Variants in ZNF546 observed in about 807,000 individuals in gnomAD.
ZNF546 encodes the protein zinc finger protein 546.
A neutral mutation model predicts 76.2 loss-of-function variants in ZNF546; 60 were observed. The ratio of observed to expected loss-of-function variants is 0.79; its 90% CI spans 0.64 to 0.98. The LOEUF is 0.98. Ranked by LOEUF, ZNF546 falls within the 50% of genes least tolerant of loss-of-function variation. The probability of loss-of-function intolerance (pLI) is 0.00; values close to 1 mark genes in which losing one functional copy is unlikely to be tolerated. For synonymous variants in ZNF546, 277 were observed against 328.1 expected (o/e 0.84, Z 1.68); for missense variants, 936 against 1,035.6 (o/e 0.90, Z 1.32).
Position 40,014,028 on chromosome 19 carries a change from C to G in ZNF546, c.758C>G (p.Ala253Gly). Residue 253 changes from alanine to glycine, a missense_variant, in exon 7 of 7, where the codon GCC (alanine) becomes GGC (glycine). By Grantham distance (60) the Ala-to-Gly change is moderately conservative (BLOSUM62 0). Coordinates refer to ENST00000347077, the MANE Select transcript of ZNF546 (RefSeq NM_178544.5). ...TATAAATGTATGGAATGTGGAAAGG[C>G]CTTTTGTCGAGTGGGAGACCTTAGA... ...RPYKCMECGK[A>G]FCRVGDLRVH... is the part of the protein sequence containing the mutation. 1.2e-6 allele frequency: 2 copies of G among 1,611,790 alleles called. No individual in the cohort carries two copies. The highest frequency in any genetic ancestry group is 1.7e-6 in the Non-Finnish European group (2 of 1,178,460).
intron 6 of ZNF546, chr19:40,011,356 G>A (rs908431825): frequency 6.6e-6 from 1 of 151,998 alleles, no homozygotes; most frequent in Non-Finnish European, 1.5e-5. Flanking sequence ...CTCCCGAGTA[G>A]CTAGGACTAC....
Position 40,018,281 on chromosome 19 carries a change from T to A in ZNF546, c.*2500T>A, listed in dbSNP as rs1275958252. The A allele has an allele frequency of 6.6e-6, 1 of 152,246 alleles. No homozygotes were observed. Among genetic ancestry groups the A allele is most frequent in the Non-Finnish European group, 1.5e-5 (1 of 68,066 alleles). The allele number at this position is 152,246 out of a possible 1,614,324, so 9.4% of individuals were successfully genotyped here. ...CACCGCACCCGGCCTTCCCAAAGTATTTTTAAATGTGCTTTTTTATCCCCA... is the reference window on the plus strand; with the variant it reads ...CACCGCACCCGGCCTTCCCAAAGTAATTTTAAATGTGCTTTTTTATCCCCA... On this transcript the variant is annotated 3_prime_UTR_variant, in exon 7 of 7. Coordinates refer to ENST00000347077, the MANE Select transcript of ZNF546 (RefSeq NM_178544.5).
At chr19:40,008,978 C>T (rs1032431737) in intron 6 of ZNF546, among the ~76,000 whole-genome samples, 7 of 152,168 alleles carry the variant, frequency 4.6e-5, no homozygotes, top group African/African-American at 1.2e-4. Context: ...CTGATAGACA[C>T]TCTTGTCACA....
intron 3 of ZNF546, among the ~76,000 whole-genome samples, chr19:40,003,327 G>A (rs769154168): frequency 6.6e-6 from 1 of 152,132 alleles, no homozygotes; most frequent in African/African-American, 2.4e-5. Context: ...GTGAGCCACC[G>A]TGCCCAGCTT....
chr19:40,006,199 C>A lies in ZNF546; in HGVS notation c.171+17C>A. The stretch of plus-strand genomic sequence containing the variant: ...ATGGCCAATGTAAGTTTGTGTTTTT[C>A]TTCCTTGAAATACTGTGTTTTTAAA... On this transcript the variant is annotated intron_variant, in intron 4 of 6. Transcript: ENST00000347077. 6.2e-7 allele frequency: 1 copy of A among 1,604,592 alleles called. No homozygotes were observed. Among genetic ancestry groups the A allele is most frequent in the Non-Finnish European group, 8.5e-7 (1 of 1,173,144 alleles).
Position 39,998,461 on chromosome 19 carries a change from G to T in ZNF546, c.84+51G>T, listed in dbSNP as rs369385223. 903 of 1,456,184 alleles carry T rather than the reference G, an allele frequency of 6.2e-4. 8 individuals carry two copies. In the South Asian group the frequency reaches 8.4e-3, roughly 14 times the overall value. 90.2% of individuals were successfully genotyped at this position (1,456,184 alleles called of 1,614,324 possible). ...TAAAGTTAAAACTTTGTTTTATTGA[G>T]ATTAATGTTTAGGTAGAATCACATC... On this transcript the variant is annotated intron_variant, in intron 3 of 6. Transcript: ENST00000347077.
chr19:40,014,474 C>T lies in ZNF546; in HGVS notation c.1204C>T (p.Gln402Ter). Residue 402 changes from glutamine to a stop codon, truncating the protein, a stop_gained, in exon 7 of 7, where the codon CAA (glutamine) becomes TAA (stop). Transcript: ENST00000347077. LOFTEE classifies it high-confidence loss of function. ...CTTTAGTCATGGCTCATACCTTGTT[C>T]AACATCAGAAAATTCATACTGGTGA... ...KAFSHGSYLV[Q>*]HQKIHTGEKP... The T allele has an allele frequency of 6.2e-7, 1 of 1,611,756 alleles. No individual in the cohort carries two copies. The highest frequency in any genetic ancestry group is 1.1e-5 in the South Asian group (1 of 90,930).
Position 40,006,107 on chromosome 19 carries a change from C to A in ZNF546, c.96C>A (p.Leu32=). 6.2e-7 allele frequency: 1 copy of A among 1,614,012 alleles called. No homozygotes were observed. The highest frequency in any genetic ancestry group is 8.5e-7 in the Non-Finnish European group (1 of 1,179,966). Residue 32 remains leucine (L), a synonymous_variant, in exon 4 of 7, where the codon CTC becomes CTA. Transcript: ENST00000347077. ...LHSLSIMPRF[L]WILCFSMEET... is the part of the protein sequence containing the mutation. ...GTTCTTCCCCCCAGCCCCGGTTTCT[C>A]TGGATTCTGTGCTTCTCCATGGAGG...
chr19:39,997,972 C>G (rs1469561257), intron 2 of ZNF546, 57 bp downstream of exon 2: 1 of 211,682 alleles, frequency 4.7e-6, no homozygotes, highest in African/African-American at 2.3e-5. Flanking sequence ...CTAATCCTCA[C>G]ACAGCCTTGC....
intron 3 of ZNF546, among the ~76,000 whole-genome samples, chr19:40,002,861 A>T (rs981235033): frequency 6.6e-6 from 1 of 151,836 alleles, no homozygotes; most frequent in African/African-American, 2.4e-5. Flanking sequence ...CACCATGCCC[A>T]GCTAATTTTT....
chr19:40,000,130 A>G (rs1971509136), intron 3 of ZNF546, among the ~76,000 whole-genome samples: 1 of 152,160 alleles, frequency 6.6e-6, no homozygotes, highest in Admixed American at 6.5e-5. Flanking sequence ...AGAAATTTAC[A>G]CCTTTTAGGG....
In ZNF546 at chr19:40,014,261, T is replaced by C; in HGVS notation, c.991T>C (p.Cys331Arg). ...TIHAGERPYE[C>R]KECGKAFRLH... ...TCATGCTGGAGAGAGACCTTATGAA[T>C]GTAAAGAATGTGGGAAGGCCTTTAG... The change falls in exon 7 of 7, where the codon TGT becomes CGT. Residue 331 changes from cysteine (C) to arginine (R), a missense_variant. Physicochemically the swap from Cys to Arg is radical, Grantham distance 180. Transcript: ENST00000347077. 1 of 1,613,898 alleles carries C rather than the reference T, an allele frequency of 6.2e-7. No homozygotes were observed.
Position 39,997,122 on chromosome 19 carries a change from GTTA to G in ZNF546, c.-164_-162del, listed in dbSNP as rs1971463374. 1 of 152,340 alleles carries G rather than the reference GTTA, an allele frequency of 6.6e-6. No individual in the cohort carries two copies. Among genetic ancestry groups the G allele is most frequent in the Non-Finnish European group, 1.5e-5 (1 of 68,130 alleles). The allele number at this position is 152,340 out of a possible 1,614,324, so 9.4% of individuals were successfully genotyped here. On this transcript the variant is annotated 5_prime_UTR_variant, in exon 1 of 7. Transcript: ENST00000347077. ...TCTTAACGGTTCAGTCACCTTAACC[GTTA>G]TTATTCACTTGCGGGCGAGAAGTCC...
At chr19:40,007,699 A>G (rs1166168110) in intron 5 of ZNF546, among the ~76,000 whole-genome samples, 1 of 152,136 alleles carries the variant, frequency 6.6e-6, no homozygotes, top group African/African-American at 2.4e-5. Context: ...GAATTCCTAT[A>G]GCTGTTCTGT....
At chr19:40,005,457 C>T (rs554707477) in intron 3 of ZNF546, among the ~76,000 whole-genome samples, 2 of 152,276 alleles carry the variant, frequency 1.3e-5, no homozygotes, top group South Asian at 4.1e-4. Context: ...ACACAGTATT[C>T]ATTTCCCTGT....
intron 3 of ZNF546, among the ~76,000 whole-genome samples, chr19:40,005,311 C>T (rs1453202861): frequency 6.6e-6 from 1 of 150,574 alleles, no homozygotes; most frequent in Non-Finnish European, 1.5e-5. Flanking sequence ...TGAGCCACCG[C>T]GCCCGGCCTA....
intron 3 of ZNF546, among the ~76,000 whole-genome samples, chr19:40,003,571 G>T (rs1410277749): frequency 1.3e-5 from 2 of 152,122 alleles, no homozygotes; most frequent in African/African-American, 4.8e-5. Flanking sequence ...ACGTTTGTCA[G>T]GAGTACATGA....
rs751783993 is a variant in ZNF546, at chr19:40,015,730, T to TA, written c.2461dup (p.Thr821AsnfsTer9). On this transcript the variant is annotated frameshift_variant, in exon 7 of 7. Transcript: ENST00000347077. LOFTEE classifies it high-confidence loss of function. ...AAGCCTTTATTCGTAGTGATCAACT[T>TA]ACTTTACATCAGAGAAATCATATTA... 1 of 1,613,662 alleles carries TA rather than the reference T, an allele frequency of 6.2e-7. No homozygotes were observed.
chr19:39,999,536 C>T (rs909076801), intron 3 of ZNF546: 3 of 151,760 alleles, frequency 2.0e-5, no homozygotes, highest in African/African-American at 7.3e-5. Flanking sequence ...TTAAAATAGC[C>T]CCAGCATCAC....
Sources: gnomAD v4.1 joint callset for allele counts (sites outside exome capture counted in the v4.1 genomes callset) on GRCh38, gnomAD v4.1.1 for gene constraint, MANE v1.5 for transcripts, NCBI Gene and HGNC (gene_info 2026-07-23, HGNC 2026-07-21) for gene names.